The following MS4A4E variants were observed in gnomAD, a reference collection of about 807,000 sequenced individuals.
MS4A4E encodes putative membrane-spanning 4-domains subfamily A member 4E.
MS4A4E carries 23 observed loss-of-function variants against 13.3 expected under a neutral mutation model. The ratio of observed to expected loss-of-function variants is 1.73; its 90% confidence interval spans 1.25 to 2.45. The LOEUF (loss-of-function observed/expected upper bound fraction) is 2.45. Among genes scored for constraint, MS4A4E ranks in the 30% most tolerant of loss-of-function variants. The probability of loss-of-function intolerance (pLI) is 0.00; values close to 1 mark genes in which losing one functional copy is unlikely to be tolerated. For missense variants in MS4A4E, 144 were observed against 131.2 expected, an observed-to-expected ratio of 1.10 and a Z score of -0.48; for synonymous variants, 36 against 45.6, an observed-to-expected ratio of 0.79 and a Z score of 0.85.
Position 60,218,478 on chromosome 11 carries a change from C to T in MS4A4E, c.179-3864G>A, listed in dbSNP as rs533990850. Among the ~76,000 whole-genome samples, 40 of 152,236 alleles carry T rather than the reference C, an allele frequency of 2.6e-4. 1 individual carries two copies. The highest frequency in any genetic ancestry group is 7.5e-4 in the African/African-American group (31 of 41,538). ...GCTTGTGGGGTGTCACGGAACCTAT[C>T]GACATGTGATGTCTTCCCTGGATGC... On this transcript the variant is annotated intron_variant, in intron 3 of 8. Transcript: ENST00000651255.
intron 1 of MS4A4E, among the ~76,000 whole-genome samples, chr11:60,241,451 C>T (rs1021493684): frequency 2.6e-5 from 4 of 152,256 alleles, no homozygotes; most frequent in African/African-American, 9.6e-5. Flanking sequence ...TAGTGCCTCT[C>T]GGGTAAGGCT....
intron 8 of MS4A4E, among the ~76,000 whole-genome samples, chr11:60,204,680 T>C (rs1038211254): frequency 1.3e-5 from 2 of 152,156 alleles, no homozygotes; most frequent in African/African-American, 4.8e-5. Context: ...TTCATTTCCA[T>C]TTATTGCTAT....
Position 60,240,023 on chromosome 11 carries a change from C to A in MS4A4E, c.-17+2935G>T, listed in dbSNP as rs146332969. 1.2e-4 allele frequency among the ~76,000 whole-genome samples: 18 copies of A among 152,178 alleles called. No individual in the cohort carries two copies. The East Asian group carries it at 3.1e-3, about 26-fold the overall frequency. Reference sequence around the variant, plus strand: ...ATTTTTATTTCAAACATTAGAAGACCAAATTAGAAGATATTCAGTCTTCCT... The same window carrying A: ...ATTTTTATTTCAAACATTAGAAGACAAAATTAGAAGATATTCAGTCTTCCT... On this transcript the variant is annotated intron_variant, in intron 1 of 8. Coordinates refer to ENST00000651255, the MANE Select transcript of MS4A4E (RefSeq NM_001393391.1).
At chr11:60,210,095 G>A (rs1002395502) in intron 5 of MS4A4E, among the ~76,000 whole-genome samples, 5 of 152,342 alleles carry the variant, frequency 3.3e-5, no homozygotes, top group Middle Eastern at 3.4e-3. Context: ...TTTGCAGACC[G>A]TAAGGTCTCT....
chr11:60,219,951 C>T (rs758610682), intron 3 of MS4A4E, among the ~76,000 whole-genome samples: 147 of 147,508 alleles, frequency 1.0e-3, no homozygotes, highest in South Asian at 2.2e-3. Flanking sequence ...TTCATTTCCC[C>T]AGTGCCAGAA....
intron 1 of MS4A4E, among the ~76,000 whole-genome samples, chr11:60,242,077 T>G (rs1199031168): frequency 6.6e-6 from 1 of 152,092 alleles, no homozygotes; most frequent in African/African-American, 2.4e-5. Flanking sequence ...AGTTATCAAA[T>G]AGACTAGAAA....
intron 6 of MS4A4E, among the ~76,000 whole-genome samples, chr11:60,206,461 A>C (rs2084043393): frequency 1.4e-5 from 1 of 69,030 alleles, no homozygotes; most frequent in Admixed American, 2.3e-4. Context: ...TTTTGAATAT[A>C]TACACACACA....
chr11:60,204,059 G>A (rs886981321), intron 8 of MS4A4E, among the ~76,000 whole-genome samples: 14 of 152,100 alleles, frequency 9.2e-5, no homozygotes, highest in African/African-American at 2.2e-4. Flanking sequence ...TTATGTATGC[G>A]CTAATTTAAA....
intron 3 of MS4A4E, among the ~76,000 whole-genome samples, chr11:60,221,616 T>G (rs2084271255): frequency 6.6e-6 from 1 of 152,226 alleles, no homozygotes; most frequent in South Asian, 2.1e-4. Context: ...TGTTGAGCAC[T>G]GCACCTCATT....
chr11:60,221,746 T>C (rs1346963677), intron 3 of MS4A4E, among the ~76,000 whole-genome samples: 1 of 152,220 alleles, frequency 6.6e-6, no homozygotes, highest in African/African-American at 2.4e-5. Flanking sequence ...GGAAAATTGG[T>C]GACAAATAAA....
chr11:60,205,445 AATATGTATATATGTAC>A (rs1173558321), intron 7 of MS4A4E, among the ~76,000 whole-genome samples: 1 of 152,218 alleles, frequency 6.6e-6, no homozygotes, highest in Admixed American at 6.5e-5. Flanking sequence ...AAATATAAAT[AATATGTATATATGTAC>A]ATATGTATAT....
At chr11:60,204,612 A>G (rs1368923199) in intron 8 of MS4A4E, among the ~76,000 whole-genome samples, 3 of 152,228 alleles carry the variant, frequency 2.0e-5, no homozygotes, top group African/African-American at 4.8e-5. Context: ...AGCAGCCATC[A>G]TGCTACTATA....
In MS4A4E at chr11:60,208,596, A is replaced by C. The variant is rs2084078719; in HGVS notation, c.480T>G (p.Ser160Arg). The C allele has an allele frequency of 1.6e-6, 2 of 1,222,698 alleles. No individual in the cohort carries two copies. The highest frequency in any genetic ancestry group is 2.4e-6 in the Non-Finnish European group (2 of 842,078). 75.7% of individuals were successfully genotyped at this position (1,222,698 alleles called of 1,614,324 possible). ...TCAAATGAAGGCCAATACTGACCTCACTGGGGCTACAACAAAGCACTTTAC... is the reference window on the plus strand; with the variant it reads ...TCAAATGAAGGCCAATACTGACCTCCCTGGGGCTACAACAAAGCACTTTAC... ...FGCKVLCCSP[S>R]ESKNKIRSNT... The change falls in exon 6 of 9, where the codon AGT (serine) becomes AGG (arginine). Residue 160 changes from serine to arginine, a missense_variant. Transcript: ENST00000651255.
chr11:60,204,199 A>T (rs544693902), intron 8 of MS4A4E, among the ~76,000 whole-genome samples: 1 of 152,232 alleles, frequency 6.6e-6, no homozygotes, highest in Non-Finnish European at 1.5e-5. Context: ...AGGATTTAGT[A>T]TGAGTTCTGG....
Position 60,228,583 on chromosome 11 carries a change from A to G in MS4A4E, c.178+11T>C. 1 of 695,614 alleles carries G rather than the reference A, an allele frequency of 1.4e-6. No individual in the cohort carries two copies. Among genetic ancestry groups the G allele is most frequent in the South Asian group, 1.5e-5 (1 of 65,236 alleles). 43.1% of individuals were successfully genotyped at this position (695,614 alleles called of 1,614,324 possible). The stretch of plus-strand genomic sequence containing the variant: ...CATACTCTTACAATACAATATAGTA[A>G]TCATACTTACCCGAATGAGTTGAAA... On this transcript the variant is annotated intron_variant, in intron 3 of 8. Coordinates refer to ENST00000651255, the MANE Select transcript of MS4A4E (RefSeq NM_001393391.1).
intron 1 of MS4A4E, among the ~76,000 whole-genome samples, chr11:60,231,818 T>C (rs896192958): frequency 2.6e-5 from 4 of 152,142 alleles, no homozygotes; most frequent in South Asian, 2.1e-4. Context: ...AAGTCTTACA[T>C]TGGATTCCAT....
intron 1 of MS4A4E, among the ~76,000 whole-genome samples, chr11:60,237,577 T>C (rs1306400778): frequency 6.6e-6 from 1 of 152,210 alleles, no homozygotes; most frequent in Non-Finnish European, 1.5e-5. Context: ...GTATTAATAT[T>C]TCTTTTTCTC....
chr11:60,227,828 A>G (rs1275755984), intron 3 of MS4A4E, among the ~76,000 whole-genome samples: 1 of 152,146 alleles, frequency 6.6e-6, no homozygotes, highest in Non-Finnish European at 1.5e-5. Context: ...ATAAAGAACT[A>G]AGATAATACA....
chr11:60,233,544 C>T (rs1424838939), intron 1 of MS4A4E, among the ~76,000 whole-genome samples: 2 of 152,206 alleles, frequency 1.3e-5, no homozygotes, highest in African/African-American at 4.8e-5. Flanking sequence ...TTGCAAAACC[C>T]TGAGCCTAGG....
Sources: gnomAD v4.1 joint callset for allele counts (sites outside exome capture counted in the v4.1 genomes callset) on GRCh38, gnomAD v4.1.1 for gene constraint, MANE v1.5 for transcripts, NCBI Gene and HGNC (gene_info 2026-07-23, HGNC 2026-07-21) for gene names.